The following EFR3B variants were observed in gnomAD, a reference collection of about 807,000 sequenced individuals.
EFR3B encodes EFR3 homolog B.
In EFR3B, 64 loss-of-function variants were observed where a neutral mutation model predicts 104.7. The observed-to-expected ratio is 0.61, with a 90% CI of 0.50 to 0.75. The LOEUF (loss-of-function observed/expected upper bound fraction) is 0.75, where lower values mean the gene tolerates loss of function less well. Ranked by LOEUF, EFR3B falls within the 30% of genes least tolerant of loss-of-function variation. EFR3B has a pLI of 0.00. For synonymous variants in EFR3B, 385 were observed against 417.9 expected (o/e 0.92, Z 0.96); for missense variants, 750 against 1,078.5 (o/e 0.70, Z 4.27).
intron 1 of EFR3B, among the ~76,000 whole-genome samples, chr2:25,072,538 T>C (rs1415535144): frequency 3.3e-5 from 5 of 152,148 alleles, no homozygotes; most frequent in Non-Finnish European, 7.4e-5. Flanking sequence ...CACCTCAGCC[T>C]CCCAAAGTGC....
At chr2:25,062,929 TC>T (rs869214406) in intron 1 of EFR3B, among the ~76,000 whole-genome samples, 1 of 150,586 alleles carries the variant, frequency 6.6e-6, no homozygotes, top group Non-Finnish European at 1.5e-5. Context: ...TTTTTCTTTT[TC>T]TTTTTTTTTT....
chr2:25,070,193 A>G (rs1200865066), intron 1 of EFR3B, among the ~76,000 whole-genome samples: 1 of 152,162 alleles, frequency 6.6e-6, no homozygotes, highest in Non-Finnish European at 1.5e-5. Flanking sequence ...CCACCCCCAG[A>G]GTCGAGTCCC....
rs2149216051 is a variant in EFR3B at position 25,154,353 on chromosome 2, T to G, written c.*13T>G. ...GTGTGTATACTGAATTCCAAGAGCC[T>G]GAGCTCCTCAAGGAGATGGGGTCTG... On this transcript the variant is annotated 3_prime_UTR_variant, in exon 23 of 23. Transcript: ENST00000403714. The surrounding 1 kb of genome is among the most constrained non-coding windows in gnomAD (Gnocchi z 4.1). The G allele has an allele frequency of 2.6e-6, 4 of 1,550,712 alleles. No homozygotes were observed. The highest frequency in any genetic ancestry group is 2.6e-6 in the Non-Finnish European group (3 of 1,145,800).
chr2:25,042,360 G>T lies in EFR3B; in HGVS notation c.7+41G>T. 1.6e-6 allele frequency: 2 copies of T among 1,245,558 alleles called. No individual in the cohort carries two copies. The highest frequency in any genetic ancestry group is 6.2e-5 in the South Asian group (2 of 32,130). 77.2% of individuals were successfully genotyped at this position (1,245,558 alleles called of 1,614,324 possible). A position where few individuals can be genotyped will look rare whatever the true frequency, so the allele number is the denominator to read the frequency against. ...CGCCCGGGCCCGGGCCCGCGGGGGC[G>T]ACTCCGCAAACTTCCCCGGCGCGGA... On this transcript the variant is annotated intron_variant, in intron 1 of 22. Transcript: ENST00000403714. The surrounding 1 kb of genome is among the most constrained non-coding windows in gnomAD (Gnocchi z 5.4).
chr2:25,125,742 A>T (rs183338501), intron 5 of EFR3B, among the ~76,000 whole-genome samples: 3 of 152,258 alleles, frequency 2.0e-5, no homozygotes, highest in East Asian at 1.9e-4. Context: ...AGGTCAGCAG[A>T]TCGAGACCAT....
chr2:25,145,027 G>C lies in EFR3B; in HGVS notation c.2118G>C (p.Ser706=), dbSNP rs775848123. The C allele has an allele frequency of 6.3e-5, 98 of 1,551,636 alleles. No homozygotes were observed. In the Middle Eastern group the frequency reaches 1.2e-3, roughly 18 times the overall value. The change falls in exon 19 of 23, where the codon TCG becomes TCC. Residue 706 remains serine (S), a synonymous_variant. Coordinates refer to ENST00000403714, the MANE Select transcript of EFR3B (RefSeq NM_014971.2). ...ETISLQVEVE[S]RNSPEKEERV... Reference sequence around the variant, plus strand: ...TCTCCCTGCAGGTGGAGGTAGAATCGAGGAACAGTCCGGAGAAGGAGGAGG... The same window carrying C: ...TCTCCCTGCAGGTGGAGGTAGAATCCAGGAACAGTCCGGAGAAGGAGGAGG...
intron 4 of EFR3B, among the ~76,000 whole-genome samples, chr2:25,104,520 C>G (rs1473601732): frequency 3.3e-5 from 5 of 152,136 alleles, no homozygotes; most frequent in Admixed American, 6.5e-5. Context: ...TAAGTGGGGC[C>G]CCCAATAGAT....
chr2:25,121,833 A>G (rs1422450004), intron 5 of EFR3B, 39 bp downstream of exon 5: 2 of 1,551,580 alleles, frequency 1.3e-6, no homozygotes, highest in Non-Finnish European at 1.7e-6. Flanking sequence ...TTCAGCTTAC[A>G]GCAGAAGCAA....
chr2:25,100,110 A>C (rs1024377830), intron 3 of EFR3B, among the ~76,000 whole-genome samples: 5 of 152,122 alleles, frequency 3.3e-5, no homozygotes, highest in African/African-American at 1.2e-4. Flanking sequence ...AGGCTAAGGC[A>C]GGAGAATCGC....
intron 18 of EFR3B, 121 bp downstream of exon 18, chr2:25,143,983 A>AG: frequency 2.9e-6 from 4 of 1,357,534 alleles, no homozygotes; most frequent in Non-Finnish European, 3.9e-6. Flanking sequence ...ATGTCGTGAG[A>AG]GCTGAAAGAC....
chr2:25,051,206 G>A (rs1326398082), intron 1 of EFR3B, among the ~76,000 whole-genome samples: 1 of 152,128 alleles, frequency 6.6e-6, no homozygotes, highest in African/African-American at 2.4e-5. Context: ...CTACCTCCTG[G>A]GTTCAAGCGA....
intron 1 of EFR3B, among the ~76,000 whole-genome samples, chr2:25,068,871 C>T (rs1668411208): frequency 2.0e-5 from 3 of 151,092 alleles, no homozygotes; most frequent in Non-Finnish European, 2.9e-5. Flanking sequence ...CCTTGTGGTC[C>T]GCCCACCTTG....
chr2:25,092,961 C>T (rs1237829478), intron 2 of EFR3B, 42 bp from the exon 3 acceptor site: 2 of 1,537,324 alleles, frequency 1.3e-6, no homozygotes, highest in Admixed American at 3.9e-5. Flanking sequence ...CTCGTCTAGC[C>T]ATAGTGTGGC....
chr2:25,042,629 G>A lies in EFR3B; in HGVS notation c.7+310G>A. 8.7e-7 allele frequency: 1 copy of A among 1,155,794 alleles called. No homozygotes were observed. The allele number at this position is 1,155,794 out of a possible 1,614,324, so 71.6% of individuals were successfully genotyped here. A position where few individuals can be genotyped will look rare whatever the true frequency, so the allele number is the denominator to read the frequency against. On this transcript the variant is annotated intron_variant, in intron 1 of 22. Transcript: ENST00000403714. The surrounding 1 kb of genome is among the most constrained non-coding windows in gnomAD (Gnocchi z 5.4). ...GAGCAGACCGGGAGTGCTGGAGGAGGTGGTCGTGTGGCAGCATTTGCGGAA... is the reference window on the plus strand; with the variant it reads ...GAGCAGACCGGGAGTGCTGGAGGAGATGGTCGTGTGGCAGCATTTGCGGAA...
chr2:25,134,787 C>A (rs1670475579), intron 12 of EFR3B, among the ~76,000 whole-genome samples: 1 of 152,076 alleles, frequency 6.6e-6, no homozygotes, highest in African/African-American at 2.4e-5. Flanking sequence ...TAATTTGTAC[C>A]CAGCATTTTC....
chr2:25,137,461 G>A lies in EFR3B; in HGVS notation c.1681G>A (p.Glu561Lys). The A allele has an allele frequency of 1.3e-6, 2 of 1,551,742 alleles. No individual in the cohort carries two copies. The highest frequency in any genetic ancestry group is 1.7e-6 in the Non-Finnish European group (2 of 1,146,988). The change falls in exon 15 of 23, where the codon GAG becomes AAG. Residue 561 changes from glutamate to lysine, a missense_variant. By Grantham distance (56) the Glu-to-Lys change is moderately conservative. Transcript: ENST00000403714. This position sits in a 1 kb window ranked among gnomAD's most constrained non-coding sequence, Gnocchi z 4.7. Reference sequence around the variant, plus strand: ...CATCAGCATCGAGCTGGCTAACGAGGAGGTGGTGGTGGACCTCATCCGTCT... The same window carrying A: ...CATCAGCATCGAGCTGGCTAACGAGAAGGTGGTGGTGGACCTCATCCGTCT... ...ALISIELANE[E>K]VVVDLIRLVL...
chr2:25,072,138 C>T lies in EFR3B; in HGVS notation c.8-19187C>T, dbSNP rs1016400845. On this transcript the variant is annotated intron_variant, in intron 1 of 22. Transcript: ENST00000403714. The stretch of plus-strand genomic sequence containing the variant: ...GCTCCGGGAGTGGGGTCCCCGCTTT[C>T]GTCACCAGTTCCAGGCTCTCAGCTT... Among the ~76,000 whole-genome samples, 10 of 152,330 alleles carry T rather than the reference C, an allele frequency of 6.6e-5. 1 individual carries two copies. The highest frequency in any genetic ancestry group is 4.1e-4 in the South Asian group (2 of 4,832).
chr2:25,151,950 G>A lies in EFR3B; in HGVS notation c.2228G>A (p.Arg743Gln), dbSNP rs867367588. ...SVAVEEQERE[R>Q]RRQVVEKFQK... ...GCAGTGGAGGAGCAGGAGCGTGAGC[G>A]GCGGCGGCAGGTGGTGGAGAAGTTC... Residue 743 changes from arginine (R) to glutamine (Q), a missense_variant, in exon 21 of 23, where the codon CGG becomes CAG. Arg to Gln is a conservative substitution (Grantham distance 43). Transcript: ENST00000403714. The A allele has an allele frequency of 4.5e-6, 7 of 1,551,672 alleles. No individual in the cohort carries two copies. The highest frequency in any genetic ancestry group is 1.7e-4 in the Middle Eastern group (1 of 5,992).
At chr2:25,128,465 C>A in intron 6 of EFR3B, 133 bp downstream of exon 6, 1 of 1,193,940 alleles carries the variant, frequency 8.4e-7, no homozygotes, top group Non-Finnish European at 1.2e-6. Context: ...GCTTGTTCTG[C>A]AGTGAGTCCA....
Sources: gnomAD v4.1 joint callset for allele counts (sites outside exome capture counted in the v4.1 genomes callset) on GRCh38, gnomAD v4.1.1 for gene constraint, Gnocchi (gnomAD v3.1) non-coding constraint, MANE v1.5 for transcripts, NCBI Gene and HGNC (gene_info 2026-07-23, HGNC 2026-07-21) for gene names.